MTMR8: variants seen among roughly 807,000 people sequenced by gnomAD.
MTMR8 encodes the protein phosphatidylinositol-3,5-bisphosphate 3-phosphatase MTMR8.
In MTMR8, 65 loss-of-function variants were observed where a neutral mutation model predicts 39.3. The ratio of observed to expected loss-of-function variants is 1.65; its 90% CI spans 1.35 to 2.03. The LOEUF is 2.03. MTMR8 is among the 30% of genes most tolerant of loss of function. The pLI, the probability that MTMR8 is intolerant of heterozygous loss-of-function variation, is 0.00. For missense variants in MTMR8, 777 were observed against 538.9 expected, an observed-to-expected ratio of 1.44 and a Z score of -4.37; for synonymous variants, 245 against 185.2, an observed-to-expected ratio of 1.32 and a Z score of -2.62.
chrX:64,383,682 A>C (rs7061685), intron 1 of MTMR8, among the ~76,000 whole-genome samples: 26,274 of 109,530 alleles, frequency 0.24, 7,706 homozygotes, highest in African/African-American at 0.83. Flanking sequence ...AACTCACACA[A>C]TATCATGAGA....
chrX:64,311,668 T>A (rs1922304070), intron 12 of MTMR8, among the ~76,000 whole-genome samples: 1 of 111,578 alleles, frequency 9.0e-6, no homozygotes, highest in South Asian at 3.7e-4. Context: ...AATTAATTTT[T>A]GTATAAGGTG....
chrX:64,387,004 A>C (rs1174660631), intron 1 of MTMR8, among the ~76,000 whole-genome samples: 1 of 111,734 alleles, frequency 8.9e-6, no homozygotes, highest in African/African-American at 3.3e-5. Flanking sequence ...CAGTGAGCCA[A>C]GTTCATGCCA....
At chrX:64,349,873 A>G in intron 5 of MTMR8, 69 bp downstream of exon 5, 1 of 940,666 alleles carries the variant, frequency 1.1e-6, no homozygotes, top group South Asian at 3.8e-5. Flanking sequence ...ACTAAGTGGC[A>G]GCATGAAACT....
chrX:64,346,713 G>T (rs1411214976), intron 6 of MTMR8, among the ~76,000 whole-genome samples: 1 of 110,515 alleles, frequency 9.0e-6, no homozygotes, highest in African/African-American at 3.3e-5. Flanking sequence ...GGAAAATGGA[G>T]AGACAAAAAT....
At chrX:64,284,521 G>A (rs1476873118) in intron 12 of MTMR8, among the ~76,000 whole-genome samples, 1 of 111,436 alleles carries the variant, frequency 9.0e-6, no homozygotes, top group Non-Finnish European at 1.9e-5. Flanking sequence ...ACACATAATT[G>A]TCAGATTCAT....
intron 12 of MTMR8, among the ~76,000 whole-genome samples, chrX:64,284,796 G>T (rs940255479): frequency 9.0e-6 from 1 of 111,640 alleles, no homozygotes; most frequent in African/African-American, 3.3e-5. Flanking sequence ...TCACCACCAG[G>T]CCTGCCCTAC....
intron 12 of MTMR8, among the ~76,000 whole-genome samples, chrX:64,289,214 A>G (rs1394458098): frequency 1.8e-5 from 2 of 110,516 alleles, no homozygotes; most frequent in East Asian, 5.7e-4. Context: ...ATGATATATC[A>G]CCTCACACCC....
chrX:64,367,543 T>C (rs1203614339), intron 1 of MTMR8, among the ~76,000 whole-genome samples: 1 of 111,879 alleles, frequency 8.9e-6, no homozygotes, highest in Non-Finnish European at 1.9e-5. Context: ...GAAAAGGCCT[T>C]TGACAAAATT....
At chrX:64,380,026 A>G (rs1445854889) in intron 1 of MTMR8, among the ~76,000 whole-genome samples, 3 of 111,951 alleles carry the variant, frequency 2.7e-5, no homozygotes, top group African/African-American at 9.8e-5. Flanking sequence ...ACAGAGGGGC[A>G]TTTCCTCAGC....
chrX:64,309,736 G>A (rs1480708942), intron 12 of MTMR8, among the ~76,000 whole-genome samples: 1 of 112,131 alleles, frequency 8.9e-6, no homozygotes, highest in Non-Finnish European at 1.9e-5. Flanking sequence ...AGTAAAGTGA[G>A]TATCACAATA....
intron 12 of MTMR8, among the ~76,000 whole-genome samples, chrX:64,300,672 C>T (rs1295021320): frequency 3.9e-5 from 4 of 102,713 alleles, no homozygotes; most frequent in South Asian, 5.1e-4. Context: ...TTCCTAGTCT[C>T]GATGGTCTTT....
chrX:64,326,689 A>G (rs969748532), intron 12 of MTMR8, among the ~76,000 whole-genome samples: 35 of 111,499 alleles, frequency 3.1e-4, no homozygotes, highest in African/African-American at 1.1e-3. Context: ...AATAGAAAAA[A>G]GAATCCTAAA....
chrX:64,353,479 AG>A (rs558538497), intron 4 of MTMR8, among the ~76,000 whole-genome samples: 1 of 112,425 alleles, frequency 8.9e-6, no homozygotes, highest in South Asian at 3.7e-4. Flanking sequence ...ATGACCAACA[AG>A]TATATGAAAA....
At position 64,328,816 on chromosome X, in the gene MTMR8, A is replaced by C; in HGVS notation, c.1437T>G (p.Thr479=). 8.3e-7 allele frequency: 1 copy of C among 1,202,027 alleles called. No individual in the cohort carries two copies. The highest frequency in any genetic ancestry group is 1.7e-5 in the African/African-American group (1 of 57,198). ...DFRNPLYKGF[T]MYGVLNPSTV... is the part of the protein sequence containing the mutation. Reference sequence around the variant, plus strand: ...TACTAGGATTGAGTACCCCATACATAGTGAAGCCTTTATAGAGAGGGTTCC... The same window carrying C: ...TACTAGGATTGAGTACCCCATACATCGTGAAGCCTTTATAGAGAGGGTTCC... The change falls in exon 12 of 14, where the codon ACT becomes ACG. Residue 479 remains threonine, a synonymous_variant. Coordinates refer to ENST00000374852, the MANE Select transcript of MTMR8 (RefSeq NM_017677.4).
intron 1 of MTMR8, among the ~76,000 whole-genome samples, chrX:64,361,439 T>C (rs1156474816): frequency 9.0e-6 from 1 of 111,549 alleles, no homozygotes; most frequent in Admixed American, 9.5e-5. Context: ...ACACAAAAAA[T>C]GCTAAATAAT....
chrX:64,278,243 C>T (rs1931923390), intron 12 of MTMR8, among the ~76,000 whole-genome samples: 1 of 108,897 alleles, frequency 9.2e-6, no homozygotes, highest in Non-Finnish European at 1.9e-5. Flanking sequence ...ATTCATCAAA[C>T]TCATTCTCCC....
intron 1 of MTMR8, among the ~76,000 whole-genome samples, chrX:64,364,862 G>GA (rs1923901272): frequency 9.0e-6 from 1 of 111,185 alleles, no homozygotes; most frequent in Non-Finnish European, 1.9e-5. Context: ...TAAAAACCTT[G>GA]AAAAAAGATT....
At chrX:64,367,365 A>C (rs1923997732) in intron 1 of MTMR8, among the ~76,000 whole-genome samples, 1 of 112,128 alleles carries the variant, frequency 8.9e-6, no homozygotes, top group South Asian at 3.7e-4. Context: ...CCTCAATAAA[A>C]TACTGGCAAA....
chrX:64,346,113 A>G (rs1306524288), intron 6 of MTMR8, among the ~76,000 whole-genome samples: 1 of 111,459 alleles, frequency 9.0e-6, no homozygotes, highest in Non-Finnish European at 1.9e-5. Flanking sequence ...TTGTGGAAAT[A>G]TGAATATAAT....
Sources: allele counts gnomAD v4.1 joint callset (sites outside exome capture counted in the v4.1 genomes callset), GRCh38; gene constraint gnomAD v4.1.1; transcripts MANE v1.5; gene names NCBI Gene and HGNC (gene_info 2026-07-23, HGNC 2026-07-21).